The following GRIA2 variants were observed in gnomAD, a reference collection of about 807,000 sequenced individuals.
The protein encoded by GRIA2 is glutamate ionotropic receptor AMPA type subunit 2.
A neutral mutation model predicts 97.3 loss-of-function variants in GRIA2; 14 were observed. The ratio of observed to expected loss-of-function variants is 0.14; its 90% CI spans 0.10 to 0.23. The LOEUF (loss-of-function observed/expected upper bound fraction) is 0.23. Among genes scored for constraint, GRIA2 ranks in the 10% least tolerant of loss-of-function variants. The pLI, the probability that GRIA2 is intolerant of heterozygous loss-of-function variation, is 1.00. For synonymous variants in GRIA2, 412 were observed against 387.8 expected (o/e 1.06, Z -0.73); for missense variants, 558 against 1,069.8 (o/e 0.52, Z 6.67).
intron 6 of GRIA2, among the ~76,000 whole-genome samples, chr4:157,324,919 G>C (rs1027534109): frequency 2.6e-5 from 4 of 152,122 alleles, no homozygotes; most frequent in African/African-American, 9.7e-5. Flanking sequence ...TATTAACAAT[G>C]AGGTTATGTC....
chr4:157,276,776 G>A (rs1200751886), intron 2 of GRIA2, among the ~76,000 whole-genome samples: 3 of 151,668 alleles, frequency 2.0e-5, no homozygotes, highest in Admixed American at 6.6e-5. Context: ...CTGCATCCAC[G>A]AATTTGACAT....
chr4:157,363,193 C>A, intron 15 of GRIA2, 146 bp downstream of exon 15: 4 of 871,490 alleles, frequency 4.6e-6, no homozygotes, highest in Non-Finnish European at 7.1e-6. Context: ...TGGTGACTAA[C>A]CTGCAGCTCA....
chr4:157,293,402 T>TGG (rs939560570), intron 2 of GRIA2, among the ~76,000 whole-genome samples: 2 of 152,156 alleles, frequency 1.3e-5, no homozygotes, highest in African/African-American at 4.8e-5. Flanking sequence ...TGTATCAACA[T>TGG]GGTAATTTCC....
intron 2 of GRIA2, among the ~76,000 whole-genome samples, chr4:157,293,259 A>G (rs954173871): frequency 2.0e-5 from 3 of 152,296 alleles, no homozygotes; most frequent in African/African-American, 7.2e-5. Flanking sequence ...TCACATGTTC[A>G]CTGCAGCCTT....
rs1038748914 is a variant in GRIA2 at position 157,363,699 on chromosome 4, C to A, written c.*268C>A. The A allele has an allele frequency of 5.6e-5, 30 of 540,452 alleles. No individual in the cohort carries two copies. Among genetic ancestry groups the A allele is most frequent in the Middle Eastern group, 2.9e-4 (1 of 3,440 alleles). The allele number at this position is 540,452 out of a possible 1,614,324, so 33.5% of individuals were successfully genotyped here. A position where few individuals can be genotyped will look rare whatever the true frequency, so the allele number is the denominator to read the frequency against. ...AGTATCTTGAAGACTTTTCTTTCAG[C>A]CAAGAATTCTTAAATATGTGGAGTT... On this transcript the variant is annotated 3_prime_UTR_variant, in exon 16 of 16. Transcript: ENST00000264426.
intron 2 of GRIA2, among the ~76,000 whole-genome samples, chr4:157,295,385 A>G (rs1733298777): frequency 6.6e-6 from 1 of 152,148 alleles, no homozygotes; most frequent in South Asian, 2.1e-4. Flanking sequence ...TGGCAGAGCT[A>G]TAGGGAAAAT....
chr4:157,363,588 G>A lies in GRIA2; in HGVS notation c.*157G>A, dbSNP rs753745138. 49 of 1,232,782 alleles carry A rather than the reference G, an allele frequency of 4.0e-5. No individual in the cohort carries two copies. Among genetic ancestry groups the A allele is most frequent in the Non-Finnish European group, 4.4e-5 (43 of 986,956 alleles). 76.4% of individuals were successfully genotyped at this position (1,232,782 alleles called of 1,614,324 possible). On this transcript the variant is annotated 3_prime_UTR_variant, in exon 16 of 16. Transcript: ENST00000264426. ...CATGGGAATGAATGTCAGTGTGACT[G>A]ATCTCTCGTGATTGATAAGAACCTT... is the stretch of plus-strand genomic sequence containing the variant.
In GRIA2 at chr4:157,332,996, T is replaced by C; in HGVS notation, c.1050+10T>C. On this transcript the variant is annotated intron_variant, in intron 7 of 15. Coordinates refer to ENST00000264426, the MANE Select transcript of GRIA2 (RefSeq NM_001083619.3). ...AAGGGCCCTCAAACAGGTCAGTTAC[T>C]CAAAATAATCGTTAACGTGACTTAA... is the stretch of plus-strand genomic sequence containing the variant. The C allele has an allele frequency of 1.3e-6, 2 of 1,584,394 alleles. No individual in the cohort carries two copies. The highest frequency in any genetic ancestry group is 1.7e-6 in the Non-Finnish European group (2 of 1,165,532).
chr4:157,342,068 C>T (rs1735573068), intron 12 of GRIA2: 1 of 942,582 alleles, frequency 1.1e-6, no homozygotes, highest in Admixed American at 6.2e-5. Flanking sequence ...TAGGATAAGC[C>T]CAAGGACCTG....
Position 157,254,433 on chromosome 4 carries a change from T to G in GRIA2, c.229+32626T>G, listed in dbSNP as rs563552059. 1.3e-3 allele frequency among the ~76,000 whole-genome samples: 202 copies of G among 152,140 alleles called. 1 individual carries two copies. The highest frequency in any genetic ancestry group is 2.4e-3 in the Non-Finnish European group (162 of 67,966). On this transcript the variant is annotated intron_variant, in intron 2 of 15. Coordinates refer to ENST00000264426, the MANE Select transcript of GRIA2 (RefSeq NM_001083619.3). ...AGTTAACCCATTTAAAAAATCAGAT[T>G]GGGAAAATGTTTCTGCTTCATGTAA... is the stretch of plus-strand genomic sequence containing the variant.
chr4:157,335,269 G>T (rs1009467670), intron 9 of GRIA2: 16 of 209,756 alleles, frequency 7.6e-5, no homozygotes, highest in Non-Finnish European at 1.4e-4. Context: ...CAGGGTTTTG[G>T]GTGAATGCTG....
chr4:157,287,804 G>A (rs560504212), intron 2 of GRIA2, among the ~76,000 whole-genome samples: 7 of 151,280 alleles, frequency 4.6e-5, no homozygotes, highest in East Asian at 3.9e-4. Context: ...TCTTTTCTCC[G>A]ATGAGCCATT....
intron 2 of GRIA2, among the ~76,000 whole-genome samples, chr4:157,242,003 A>G (rs1302763475): frequency 4.6e-5 from 7 of 152,100 alleles, no homozygotes; most frequent in African/African-American, 7.2e-5. Flanking sequence ...ATTTAATTAT[A>G]AGTTGCTTTT....
intron 12 of GRIA2, among the ~76,000 whole-genome samples, chr4:157,358,725 A>G (rs1736502391): frequency 6.6e-6 from 1 of 152,142 alleles, no homozygotes; most frequent in Admixed American, 6.6e-5. Flanking sequence ...CAGTGACACA[A>G]GCATACTCTA....
intron 6 of GRIA2, among the ~76,000 whole-genome samples, chr4:157,326,583 A>G (rs1734812172): frequency 6.6e-6 from 1 of 152,176 alleles, no homozygotes; most frequent in South Asian, 2.1e-4. Flanking sequence ...AGGCTTCTCA[A>G]TGGGAGCAAT....
At chr4:157,299,274 C>A (rs1343326767) in intron 2 of GRIA2, among the ~76,000 whole-genome samples, 3 of 151,996 alleles carry the variant, frequency 2.0e-5, no homozygotes, top group Non-Finnish European at 4.4e-5. Flanking sequence ...AAATCAGGGG[C>A]AAACTATGCA....
intron 2 of GRIA2, among the ~76,000 whole-genome samples, chr4:157,277,894 A>ATATGTATATATATG (rs1425978759): frequency 1.3e-4 from 19 of 144,742 alleles, no homozygotes; most frequent in South Asian, 2.1e-4. Flanking sequence ...ATATATGTAT[A>ATATGTATATATATG]TATATATGTA....
At chr4:157,248,546 T>G (rs1279772790) in intron 2 of GRIA2, among the ~76,000 whole-genome samples, 1 of 145,878 alleles carries the variant, frequency 6.9e-6, no homozygotes, top group Non-Finnish European at 1.5e-5. Flanking sequence ...TGTTTATGTG[T>G]GTGTGTGTAT....
chr4:157,362,407 T>C (rs1393246269), intron 14 of GRIA2: 1 of 458,994 alleles, frequency 2.2e-6, no homozygotes, highest in Non-Finnish European at 4.4e-6. Flanking sequence ...ATGGTTTATT[T>C]TAGCCCTGTT....
Sources: gnomAD v4.1 joint callset for allele counts (sites outside exome capture counted in the v4.1 genomes callset) on GRCh38, gnomAD v4.1.1 for gene constraint, MANE v1.5 for transcripts, NCBI Gene and HGNC (gene_info 2026-07-23, HGNC 2026-07-21) for gene names.